The following SLC25A48 variants were observed in gnomAD, a reference collection of about 807,000 sequenced individuals.
SLC25A48 encodes CTC-321K16.1.
Under a neutral mutation model 32.2 loss-of-function variants are expected in SLC25A48, and 29 were observed. The ratio of observed to expected loss-of-function variants is 0.90; its 90% CI spans 0.67 to 1.23. The LOEUF (loss-of-function observed/expected upper bound fraction) is 1.23. SLC25A48 is among the 50% of genes most tolerant of loss of function. SLC25A48 has a pLI of 0.00. For synonymous variants in SLC25A48, 164 were observed against 172.3 expected (o/e 0.95, Z 0.38); for missense variants, 399 against 422.7 (o/e 0.94, Z 0.49).
At chr5:135,580,595 A>AT (rs1268372309) in intron 1 of SLC25A48, among the ~76,000 whole-genome samples, 4 of 152,224 alleles carry the variant, frequency 2.6e-5, no homozygotes, top group African/African-American at 9.6e-5. Context: ...CCTAAAGCAA[A>AT]GCCAATAGCT....
At chr5:135,604,207 C>G (rs1751876074) in intron 1 of SLC25A48, among the ~76,000 whole-genome samples, 1 of 152,150 alleles carries the variant, frequency 6.6e-6, no homozygotes, top group South Asian at 2.1e-4. Flanking sequence ...TCTTTCCATC[C>G]TTGTGGATGA....
At chr5:135,785,554 A>AGG (rs142799542) in intron 3 of SLC25A48, among the ~76,000 whole-genome samples, 1 of 145,376 alleles carries the variant, frequency 6.9e-6, no homozygotes, top group African/African-American at 2.6e-5. Context: ...CGTAATATCC[A>AGG]GGGGGGGAGA....
intron 3 of SLC25A48, among the ~76,000 whole-genome samples, chr5:135,772,597 A>G (rs958745702): frequency 1.3e-5 from 2 of 151,656 alleles, no homozygotes; most frequent in Non-Finnish European, 2.9e-5. Flanking sequence ...CAGGGGGTGT[A>G]CAGAGCCTGT....
chr5:135,698,584 A>T (rs1398560856), intron 3 of SLC25A48, among the ~76,000 whole-genome samples: 1 of 152,162 alleles, frequency 6.6e-6, no homozygotes, highest in African/African-American at 2.4e-5. Flanking sequence ...ACCTGGAACC[A>T]AAAAGCTTCT....
At chr5:135,843,756 T>C (rs1195892843) in intron 2 of SLC25A48, among the ~76,000 whole-genome samples, 2 of 152,108 alleles carry the variant, frequency 1.3e-5, no homozygotes, top group African/African-American at 2.4e-5. Flanking sequence ...CGATGTACAT[T>C]CTCCAGGAAA....
At chr5:135,746,707 G>C (rs1179430349) in intron 3 of SLC25A48, among the ~76,000 whole-genome samples, 1 of 152,118 alleles carries the variant, frequency 6.6e-6, no homozygotes. Flanking sequence ...TCATACCCAA[G>C]AGATTTAATA....
intron 3 of SLC25A48, among the ~76,000 whole-genome samples, chr5:135,780,160 CTTTTTTTTTT>C (rs34277772): frequency 2.6e-5 from 1 of 38,796 alleles, no homozygotes; most frequent in Non-Finnish European, 6.8e-5. Context: ...GTTTCTTCGT[CTTTTTTTTTT>C]TTTTTTTTTT....
At chr5:135,587,952 A>G (rs1751409815) in intron 1 of SLC25A48, among the ~76,000 whole-genome samples, 1 of 152,226 alleles carries the variant, frequency 6.6e-6, no homozygotes, top group Non-Finnish European at 1.5e-5. Flanking sequence ...GAGAGAGGGC[A>G]GGAGGGAAAG....
At chr5:135,772,811 C>T (rs1756448425) in intron 3 of SLC25A48, among the ~76,000 whole-genome samples, 1 of 151,286 alleles carries the variant, frequency 6.6e-6, no homozygotes, top group Non-Finnish European at 1.5e-5. Flanking sequence ...AGGGGTTGTA[C>T]AACCCTCTGT....
chr5:135,868,374 A>G (rs991839134), intron 4 of SLC25A48, among the ~76,000 whole-genome samples: 4 of 152,176 alleles, frequency 2.6e-5, no homozygotes, highest in South Asian at 2.1e-4. Flanking sequence ...AAGGCTATGG[A>G]AATGTTCCAG....
intron 1 of SLC25A48, among the ~76,000 whole-genome samples, chr5:135,582,003 G>A (rs1031814330): frequency 1.3e-5 from 2 of 152,220 alleles, no homozygotes; most frequent in African/African-American, 4.8e-5. Flanking sequence ...GCTTCAAGGA[G>A]GTCCCTGGGG....
chr5:135,857,090 C>A (rs1760392519), intron 4 of SLC25A48, among the ~76,000 whole-genome samples: 1 of 152,202 alleles, frequency 6.6e-6, no homozygotes, highest in African/African-American at 2.4e-5. Context: ...GGGCCCTCAC[C>A]CAGCTGGGAC....
chr5:135,832,378 C>T (rs779897045), upstream of SLC25A48, among the ~76,000 whole-genome samples: 45 of 152,292 alleles, frequency 3.0e-4, 1 homozygote, highest in Middle Eastern at 6.8e-3. Context: ...GCATGGGCAG[C>T]GCCTTCACTG....
chr5:135,764,085 A>G (rs1756135608), intron 3 of SLC25A48, among the ~76,000 whole-genome samples: 2 of 151,814 alleles, frequency 1.3e-5, no homozygotes, highest in African/African-American at 4.8e-5. Flanking sequence ...GCGTGATATT[A>G]CTCCCCATAT....
At chr5:135,886,084 A>T (rs1762701531) in intron 7 of SLC25A48, among the ~76,000 whole-genome samples, 1 of 152,184 alleles carries the variant, frequency 6.6e-6, no homozygotes, top group African/African-American at 2.4e-5. Context: ...ATTTCTTTGT[A>T]CATCACTATA....
chr5:135,606,084 C>CT (rs1751927233), intron 1 of SLC25A48, among the ~76,000 whole-genome samples: 1 of 152,112 alleles, frequency 6.6e-6, no homozygotes, highest in African/African-American at 2.4e-5. Context: ...GGTGAACTGG[C>CT]TAAAAAATCC....
At chr5:135,644,462 T>C (rs1218110994) in intron 3 of SLC25A48, among the ~76,000 whole-genome samples, 2 of 152,164 alleles carry the variant, frequency 1.3e-5, no homozygotes, top group Non-Finnish European at 2.9e-5. Flanking sequence ...CACATGTCTC[T>C]AGGCTGTCTG....
intron 3 of SLC25A48, among the ~76,000 whole-genome samples, chr5:135,762,825 G>A (rs1286853269): frequency 7.4e-6 from 1 of 136,004 alleles, no homozygotes; most frequent in Non-Finnish European, 1.6e-5. Flanking sequence ...TGTGAGTGTG[G>A]ATGTGTGAGT....
intron 1 of SLC25A48, among the ~76,000 whole-genome samples, chr5:135,610,131 G>C (rs1014801988): frequency 6.6e-6 from 1 of 152,154 alleles, no homozygotes; most frequent in African/African-American, 2.4e-5. Context: ...GCAGTGCCTG[G>C]GGCCAGCTCC....
Sources: gnomAD v4.1 joint callset for allele counts (sites outside exome capture counted in the v4.1 genomes callset) on GRCh38, gnomAD v4.1.1 for gene constraint, MANE v1.5 for transcripts, NCBI Gene and HGNC (gene_info 2026-07-23, HGNC 2026-07-21) for gene names.